Variants in IMMP2L observed in about 807,000 individuals in gnomAD.
IMMP2L encodes the protein inner mitochondrial membrane peptidase subunit 2.
IMMP2L carries 18 observed loss-of-function variants against 19.3 expected under a neutral mutation model. The ratio of observed to expected loss-of-function variants is 0.93; its 90% CI spans 0.64 to 1.38. The LOEUF is 1.38. Among genes scored for constraint, IMMP2L ranks in the 40% most tolerant of loss-of-function variants. The pLI is 0.00. For synonymous variants in IMMP2L, 76 were observed against 73.0 expected (o/e 1.04, Z -0.21); for missense variants, 233 against 218.2 (o/e 1.07, Z -0.43).
chr7:111,177,256 TG>T (rs1807179249), intron 3 of IMMP2L, among the ~76,000 whole-genome samples: 1 of 152,098 alleles, frequency 6.6e-6, no homozygotes, highest in South Asian at 2.1e-4. Context: ...CGCAGTTCAC[TG>T]CAGGCTTGAC....
chr7:110,826,846 A>C (rs12535077), intron 5 of IMMP2L, among the ~76,000 whole-genome samples: 22,552 of 151,782 alleles, frequency 0.15, 1,848 homozygotes, highest in South Asian at 0.31. Context: ...TAAAAAAATA[A>C]ATAAAAATAC....
intron 3 of IMMP2L, among the ~76,000 whole-genome samples, chr7:111,070,744 G>A (rs1293083576): frequency 6.6e-6 from 1 of 152,146 alleles, no homozygotes; most frequent in Non-Finnish European, 1.5e-5. Context: ...GACAGCAGGT[G>A]TAGTATATGA....
At chr7:110,944,649 C>T (rs1055895791) in intron 4 of IMMP2L, among the ~76,000 whole-genome samples, 1 of 151,908 alleles carries the variant, frequency 6.6e-6, no homozygotes, top group Non-Finnish European at 1.5e-5. Flanking sequence ...AGTTAGTTAC[C>T]AGTTTAGATT....
At position 111,191,431 on chromosome 7, in the gene IMMP2L, TACACACACACACACAC is replaced by T. The variant is rs57414194; in HGVS notation, c.240-227882_240-227867del. Among the ~76,000 whole-genome samples, 307 of 146,768 alleles carry T rather than the reference TACACACACACACACAC, an allele frequency of 2.1e-3. 1 individual carries two copies. The highest frequency in any genetic ancestry group is 0.021 in the South Asian group (95 of 4,608). On this transcript the variant is annotated intron_variant, in intron 3 of 5. Coordinates refer to ENST00000405709, the MANE Select transcript of IMMP2L (RefSeq NM_032549.4). Reference sequence around the variant, plus strand: ...ACAAGGTAAAATGCTGCTGCTCAAATACACACACACACACACACACACACACACACACACACACACA... The same window carrying T: ...ACAAGGTAAAATGCTGCTGCTCAAATACACACACACACACACACACACACA...
intron 5 of IMMP2L, among the ~76,000 whole-genome samples, chr7:110,807,074 T>C (rs370229474): frequency 1.3e-5 from 2 of 151,992 alleles, no homozygotes; most frequent in African/African-American, 4.8e-5. Context: ...CAATTCTTGG[T>C]CACTGTTTAA....
chr7:111,313,685 G>A (rs145244862), intron 3 of IMMP2L, among the ~76,000 whole-genome samples: 340 of 152,100 alleles, frequency 2.2e-3, no homozygotes, highest in African/African-American at 7.0e-3. Flanking sequence ...TTTTACTCTC[G>A]TCAGGAAATA....
At chr7:111,451,562 T>TGGGGAGG (rs1839178791) in intron 3 of IMMP2L, among the ~76,000 whole-genome samples, 1 of 58,912 alleles carries the variant, frequency 1.7e-5, no homozygotes, top group Non-Finnish European at 3.0e-5. Context: ...GGGACTGTGG[T>TGGGGAGG]GGGGAGGGGG....
At chr7:110,718,749 T>C (rs554742582) in intron 5 of IMMP2L, among the ~76,000 whole-genome samples, 284 of 152,140 alleles carry the variant, frequency 1.9e-3, no homozygotes, top group Non-Finnish European at 3.4e-3. Context: ...AAAAGGCAGA[T>C]TTAGCTGGGT....
chr7:110,963,565 C>T lies in IMMP2L; in HGVS notation c.240G>A (p.Val80=), dbSNP rs144517587. The T allele has an allele frequency of 3.2e-6, 5 of 1,573,492 alleles. No individual in the cohort carries two copies. The African/African-American group carries it at 6.8e-5, about 21-fold the overall frequency. The part of the protein sequence containing the change: ...EVHRGDIVSL[V]SPKNPEQKII... ...TCTTCTGTTCTGGGTTTTTAGGAGA[C>T]CTAGAACAAGAAGATAACATTATAC... is the stretch of plus-strand genomic sequence containing the variant. Residue 80 remains valine, a splice_region_variant and synonymous_variant, in exon 4 of 6, where the codon GTG becomes GTA. Transcript: ENST00000405709.
chr7:111,207,178 A>G (rs909966430), intron 3 of IMMP2L, among the ~76,000 whole-genome samples: 2 of 152,168 alleles, frequency 1.3e-5, no homozygotes, highest in African/African-American at 4.8e-5. Context: ...TATCAATAGA[A>G]TATACCTTGG....
intron 3 of IMMP2L, among the ~76,000 whole-genome samples, chr7:111,463,609 C>A (rs1250054668): frequency 6.6e-6 from 1 of 152,054 alleles, no homozygotes; most frequent in Non-Finnish European, 1.5e-5. Context: ...GTCCACTAGC[C>A]CCGCTCCCAT....
At chr7:111,009,640 T>C (rs746939270) in intron 3 of IMMP2L, among the ~76,000 whole-genome samples, 4 of 152,118 alleles carry the variant, frequency 2.6e-5, no homozygotes, top group Non-Finnish European at 4.4e-5. Context: ...ATATATGGCT[T>C]TAATCATTTA....
chr7:110,861,781 A>G (rs1478836635), intron 5 of IMMP2L, among the ~76,000 whole-genome samples: 1 of 152,108 alleles, frequency 6.6e-6, no homozygotes, highest in East Asian at 1.9e-4. Context: ...TCATTTATCA[A>G]CTAATTCTGA....
chr7:110,862,806 GC>G (rs1372837965), intron 5 of IMMP2L, among the ~76,000 whole-genome samples: 4 of 151,964 alleles, frequency 2.6e-5, no homozygotes, highest in Admixed American at 2.6e-4. Flanking sequence ...ACAGCGAACA[GC>G]CTTGGAAGAT....
At chr7:111,315,590 C>T (rs529458447) in intron 3 of IMMP2L, among the ~76,000 whole-genome samples, 1 of 152,118 alleles carries the variant, frequency 6.6e-6, no homozygotes, top group South Asian at 2.1e-4. Flanking sequence ...TCCTTTCTAC[C>T]ACAGCTTCAG....
chr7:111,392,213 T>C lies in IMMP2L; in HGVS notation c.239+95025A>G, dbSNP rs146828871. On this transcript the variant is annotated intron_variant, in intron 3 of 5. Coordinates refer to ENST00000405709, the MANE Select transcript of IMMP2L (RefSeq NM_032549.4). ...AAGCACCCTTCCAATGGATATACTG[T>C]CTAACCAGGAAAAAGATTAACTGGA... Among the ~76,000 whole-genome samples the C allele has an allele frequency of 2.1e-3, 323 of 152,230 alleles. 5 individuals carry two copies. Among genetic ancestry groups the C allele is most frequent in the African/African-American group, 7.3e-3 (305 of 41,546 alleles).
intron 5 of IMMP2L, among the ~76,000 whole-genome samples, chr7:110,747,819 T>C (rs1472967508): frequency 6.6e-6 from 1 of 152,046 alleles, no homozygotes; most frequent in East Asian, 1.9e-4. Flanking sequence ...ACTGGAAGCA[T>C]TCCCTTTGAA....
At chr7:110,942,108 C>T (rs1816796718) in intron 4 of IMMP2L, among the ~76,000 whole-genome samples, 1 of 151,860 alleles carries the variant, frequency 6.6e-6, no homozygotes, top group Admixed American at 6.6e-5. Flanking sequence ...GGTGGCTAAC[C>T]TAATAAATTC....
At chr7:110,909,067 C>A (rs1812770316) in intron 4 of IMMP2L, among the ~76,000 whole-genome samples, 1 of 152,016 alleles carries the variant, frequency 6.6e-6, no homozygotes. Flanking sequence ...GCTACACAGG[C>A]AAGGAAAGCA....
Sources: gnomAD v4.1 joint callset for allele counts (sites outside exome capture counted in the v4.1 genomes callset) on GRCh38, gnomAD v4.1.1 for gene constraint, MANE v1.5 for transcripts, NCBI Gene and HGNC (gene_info 2026-07-23, HGNC 2026-07-21) for gene names.